The following CFTR variants were observed in gnomAD, a reference collection of about 807,000 sequenced individuals.
CFTR encodes the protein cystic fibrosis transmembrane conductance regulator.
A neutral mutation model predicts 171.6 loss-of-function variants in CFTR; 181 were observed. The observed-to-expected ratio is 1.05, with a 90% confidence interval of 0.93 to 1.19. CFTR has a LOEUF of 1.19. Ranked by LOEUF, CFTR falls within the 50% of genes most tolerant of loss-of-function variation. The pLI is 0.00. For missense variants in CFTR, 1,968 were observed against 1,734.7 expected, an observed-to-expected ratio of 1.13 and a Z score of -2.39; for synonymous variants, 583 against 608.0, an observed-to-expected ratio of 0.96 and a Z score of 0.60.
intron 15 of CFTR, among the ~76,000 whole-genome samples, chr7:117,602,012 A>G (rs1792234045): frequency 6.6e-6 from 1 of 152,180 alleles, no homozygotes; most frequent in Non-Finnish European, 1.5e-5. Flanking sequence ...CTTTATTCAT[A>G]AACTGTGACT....
At chr7:117,653,042 A>G in intron 24 of CFTR, 111 bp downstream of exon 24, 1 of 771,210 alleles carries the variant, frequency 1.3e-6, no homozygotes, top group South Asian at 1.4e-5. Flanking sequence ...TGTGTGCACA[A>G]CTTTAAAATG....
chr7:117,667,739 C>A lies in CFTR; in HGVS notation c.*631C>A. ...AGTGAGCAGTCAGGAAAGAGAACTT[C>A]CAGATCCTGGAAATCAGGGTTAGTA... On this transcript the variant is annotated 3_prime_UTR_variant, in exon 27 of 27. Coordinates refer to ENST00000003084, the MANE Select transcript of CFTR (RefSeq NM_000492.4). 1 of 164,284 alleles carries A rather than the reference C, an allele frequency of 6.1e-6. No individual in the cohort carries two copies. Among genetic ancestry groups the A allele is most frequent in the Admixed American group, 5.6e-5 (1 of 17,848 alleles). The allele number at this position is 164,284 out of a possible 1,614,324, so 10.2% of individuals were successfully genotyped here. A position where few individuals can be genotyped will look rare whatever the true frequency, so the allele number is the denominator to read the frequency against.
intron 3 of CFTR, among the ~76,000 whole-genome samples, chr7:117,524,240 A>G (rs1798732914): frequency 6.6e-6 from 1 of 152,176 alleles, no homozygotes; most frequent in African/African-American, 2.4e-5. Context: ...ACAAGAAATG[A>G]TGCTTTGTCT....
At chr7:117,638,219 A>G (rs1792856139) in intron 22 of CFTR, among the ~76,000 whole-genome samples, 1 of 152,158 alleles carries the variant, frequency 6.6e-6, no homozygotes, top group Non-Finnish European at 1.5e-5. Context: ...CACTTCTCTG[A>G]CAGATCTAAG....
At chr7:117,662,788 T>TAA (rs1283612755) in intron 24 of CFTR, among the ~76,000 whole-genome samples, 2 of 152,114 alleles carry the variant, frequency 1.3e-5, no homozygotes, top group Non-Finnish European at 2.9e-5. Context: ...GAGAATGATT[T>TAA]AAAAAGTAGT....
At chr7:117,549,906 G>A (rs1440913613) in intron 10 of CFTR, among the ~76,000 whole-genome samples, 1 of 152,114 alleles carries the variant, frequency 6.6e-6, no homozygotes, top group Non-Finnish European at 1.5e-5. Flanking sequence ...AGGTAAAAAT[G>A]TTAATGAAAA....
intron 11 of CFTR, chr7:117,586,478 G>T (rs1387685062): frequency 6.6e-6 from 1 of 152,146 alleles, no homozygotes; most frequent in Non-Finnish European, 1.5e-5. Context: ...CTAGCATGAT[G>T]CCAGCCAACA....
At chr7:117,549,869 G>C (rs1799239417) in intron 10 of CFTR, among the ~76,000 whole-genome samples, 1 of 151,990 alleles carries the variant, frequency 6.6e-6, no homozygotes, top group Non-Finnish European at 1.5e-5. Context: ...AAGGAAGGAA[G>C]TAAGAGGGAA....
intron 14 of CFTR, among the ~76,000 whole-genome samples, chr7:117,594,545 A>G (rs1792090768): frequency 6.6e-6 from 1 of 152,012 alleles, no homozygotes. Context: ...TTGTCCATGG[A>G]CCCCTGAAGA....
intron 11 of CFTR, among the ~76,000 whole-genome samples, chr7:117,562,013 A>G (rs1396574489): frequency 6.6e-6 from 1 of 152,192 alleles, no homozygotes; most frequent in African/African-American, 2.4e-5. Flanking sequence ...AAGAAGTGGG[A>G]GATTAATGAG....
At chr7:117,531,467 T>C (rs926202022) in intron 4 of CFTR, among the ~76,000 whole-genome samples, 5 of 152,076 alleles carry the variant, frequency 3.3e-5, no homozygotes, top group Non-Finnish European at 5.9e-5. Context: ...ATGCCACATA[T>C]CTTTATGTTC....
chr7:117,546,057 G>A (rs1475475600), intron 9 of CFTR, among the ~76,000 whole-genome samples: 3 of 151,806 alleles, frequency 2.0e-5, no homozygotes, highest in Non-Finnish European at 2.9e-5. Context: ...GCAGTGGTGC[G>A]ATCTTGGCTC....
rs114520628 is a variant in CFTR, at chr7:117,530,143, C to T, written c.274-756C>T. ...TGGGAAAACATAACTTCCGCTCTCTCTCATTGACTCACGGGCCTTTGAGGA... is the reference window on the plus strand; with the variant it reads ...TGGGAAAACATAACTTCCGCTCTCTTTCATTGACTCACGGGCCTTTGAGGA... On this transcript the variant is annotated intron_variant, in intron 3 of 26. Coordinates refer to ENST00000003084, the MANE Select transcript of CFTR (RefSeq NM_000492.4). Among the ~76,000 whole-genome samples, 860 of 152,258 alleles carry T rather than the reference C, an allele frequency of 5.6e-3. 3 individuals carry two copies. Among genetic ancestry groups the T allele is most frequent in the African/African-American group, 0.02 (823 of 41,550 alleles).
intron 24 of CFTR, among the ~76,000 whole-genome samples, chr7:117,660,329 T>C (rs1793251818): frequency 6.6e-6 from 1 of 152,116 alleles, no homozygotes; most frequent in Non-Finnish European, 1.5e-5. Context: ...CTAATGATAG[T>C]ATTAACAAGA....
intron 21 of CFTR, among the ~76,000 whole-genome samples, chr7:117,617,201 T>C (rs1316072860): frequency 6.6e-6 from 1 of 152,108 alleles, no homozygotes; most frequent in Non-Finnish European, 1.5e-5. Context: ...ATAGTTTATT[T>C]ACCCATCTGG....
At chr7:117,656,977 A>T (rs1680989006) in intron 24 of CFTR, among the ~76,000 whole-genome samples, 1 of 152,192 alleles carries the variant, frequency 6.6e-6, no homozygotes, top group Non-Finnish European at 1.5e-5. Flanking sequence ...AACCGTTTTC[A>T]TTATCAAAGT....
At chr7:117,537,222 C>T (rs991841755) in intron 7 of CFTR, among the ~76,000 whole-genome samples, 29 of 152,126 alleles carry the variant, frequency 1.9e-4, no homozygotes, top group African/African-American at 7.0e-4. Flanking sequence ...TGAAAGCTAC[C>T]TCCTGAGATA....
chr7:117,493,002 G>A (rs568176051), intron 1 of CFTR, among the ~76,000 whole-genome samples: 1 of 151,908 alleles, frequency 6.6e-6, no homozygotes, highest in African/African-American at 2.4e-5. Flanking sequence ...TAAAAATTAA[G>A]AGCCACCTAA....
intron 12 of CFTR, among the ~76,000 whole-genome samples, chr7:117,589,576 G>A (rs1317696328): frequency 6.6e-6 from 1 of 151,800 alleles, no homozygotes; most frequent in Non-Finnish European, 1.5e-5. Flanking sequence ...CTGTTCTAAG[G>A]TCAACTCAAT....
Sources: allele counts gnomAD v4.1 joint callset (sites outside exome capture counted in the v4.1 genomes callset), GRCh38; gene constraint gnomAD v4.1.1; transcripts MANE v1.5; gene names NCBI Gene and HGNC (gene_info 2026-07-23, HGNC 2026-07-21).